The following AKT3 variants were observed in gnomAD, a reference collection of about 807,000 sequenced individuals.
AKT3 encodes the protein RAC-gamma serine/threonine-protein kinase.
In AKT3, 15 loss-of-function variants were observed where a neutral mutation model predicts 65.3. That is an observed-to-expected ratio of 0.23 (90% CI 0.15 to 0.35). AKT3 has a LOEUF of 0.35. Among genes scored for constraint, AKT3 ranks in the 10% least tolerant of loss-of-function variants. The probability of loss-of-function intolerance (pLI) is 1.00; values close to 1 mark genes in which losing one functional copy is unlikely to be tolerated. For synonymous variants in AKT3, 206 were observed against 183.8 expected (o/e 1.12, Z -0.98); for missense variants, 243 against 576.5 (o/e 0.42, Z 5.92).
chr1:243,521,887 T>C (rs1323330491), intron 12 of AKT3, among the ~76,000 whole-genome samples: 1 of 152,224 alleles, frequency 6.6e-6, no homozygotes, highest in Non-Finnish European at 1.5e-5. Flanking sequence ...CTGTGATAAA[T>C]TTTCTCATTC....
At chr1:243,829,985 G>A (rs930468977) in intron 2 of AKT3, among the ~76,000 whole-genome samples, 14 of 152,112 alleles carry the variant, frequency 9.2e-5, no homozygotes, top group African/African-American at 3.4e-4. Flanking sequence ...TGGGCACTAC[G>A]CTGTAAGAGA....
At chr1:243,536,676 G>C (rs1574561319) in intron 12 of AKT3, among the ~76,000 whole-genome samples, 1 of 152,028 alleles carries the variant, frequency 6.6e-6, no homozygotes, top group Non-Finnish European at 1.5e-5. Context: ...CAATTTGAAG[G>C]CTTTTAAAGC....
At chr1:243,521,311 T>C (rs1481946606) in intron 12 of AKT3, among the ~76,000 whole-genome samples, 1 of 152,234 alleles carries the variant, frequency 6.6e-6, no homozygotes, top group Non-Finnish European at 1.5e-5. Context: ...CCAGAGACAG[T>C]AATCTGGTGC....
chr1:243,661,863 AAAAC>A (rs1682370703), intron 4 of AKT3, among the ~76,000 whole-genome samples: 1 of 150,164 alleles, frequency 6.7e-6, no homozygotes, highest in East Asian at 1.9e-4. Flanking sequence ...TTACAAGAAA[AAAAC>A]AAACAACCCC....
At chr1:243,631,118 T>C (rs1456871189) in intron 6 of AKT3, among the ~76,000 whole-genome samples, 3 of 152,194 alleles carry the variant, frequency 2.0e-5, no homozygotes, top group African/African-American at 4.8e-5. Flanking sequence ...TGTAGTCTAT[T>C]AAGTGTGTAA....
chr1:243,797,005 A>G (rs1338366409), intron 2 of AKT3, among the ~76,000 whole-genome samples: 1 of 152,160 alleles, frequency 6.6e-6, no homozygotes, highest in Non-Finnish European at 1.5e-5. Flanking sequence ...TAATGGCTGC[A>G]GAGTTTCAGT....
Position 243,537,825 on chromosome 1 carries a change from A to C in AKT3, c.1251+7685T>G, listed in dbSNP as rs542312384. Among the ~76,000 whole-genome samples the C allele has an allele frequency of 2.0e-5, 3 of 152,310 alleles. No individual in the cohort carries two copies. In the East Asian group the frequency reaches 5.8e-4, roughly 29 times the overall value. On this transcript the variant is annotated intron_variant, in intron 12 of 13. Transcript: ENST00000673466. ...CAGATTCCCAGTTCCTCCAGTCAGC[A>C]TATCTTCATTCACTTCTCTTGTTAC... is the stretch of plus-strand genomic sequence containing the variant.
chr1:243,736,844 T>C (rs558609828), intron 2 of AKT3, among the ~76,000 whole-genome samples: 2 of 152,304 alleles, frequency 1.3e-5, no homozygotes, highest in African/African-American at 4.8e-5. Context: ...ATTGCTATTT[T>C]CTTTCCACCT....
chr1:243,710,688 T>G (rs145905069), intron 2 of AKT3, among the ~76,000 whole-genome samples: 79 of 152,322 alleles, frequency 5.2e-4, no homozygotes, highest in African/African-American at 1.8e-3. Flanking sequence ...TGTATGGGAA[T>G]TAATCATACT....
intron 2 of AKT3, among the ~76,000 whole-genome samples, chr1:243,800,586 C>T (rs1215766426): frequency 2.0e-5 from 3 of 151,974 alleles, no homozygotes; most frequent in Non-Finnish European, 4.4e-5. Flanking sequence ...GGTGTGGTGG[C>T]GCACACCTGT....
Position 243,503,269 on chromosome 1 carries a change from C to T in AKT3, c.*1980G>A, listed in dbSNP as rs899206795. ...CCTTAGTAAAATGCCCTTTAACCCC[C>T]GTCAGTCCCAGTGGCCCACCCACTG... On this transcript the variant is annotated 3_prime_UTR_variant, in exon 14 of 14. Coordinates refer to ENST00000673466, the MANE Select transcript of AKT3 (RefSeq NM_005465.7). The T allele has an allele frequency of 4.5e-4, 106 of 233,680 alleles. No homozygotes were observed. The highest frequency in any genetic ancestry group is 5.0e-4 in the Non-Finnish European group (59 of 118,036). The allele number at this position is 233,680 out of a possible 1,614,324, so 14.5% of individuals were successfully genotyped here.
chr1:243,641,251 T>TGA (rs1317465100), intron 5 of AKT3, among the ~76,000 whole-genome samples: 3 of 75,476 alleles, frequency 4.0e-5, no homozygotes, highest in Non-Finnish European at 9.1e-5. Flanking sequence ...CATATATATG[T>TGA]GTGTGTGTAT....
chr1:243,620,782 T>C (rs1678690641), intron 6 of AKT3, among the ~76,000 whole-genome samples: 1 of 152,152 alleles, frequency 6.6e-6, no homozygotes, highest in South Asian at 2.1e-4. Flanking sequence ...GTATTGTGTT[T>C]GATACTTTGT....
At chr1:243,646,673 G>T (rs1311648080) in intron 4 of AKT3, among the ~76,000 whole-genome samples, 1 of 151,900 alleles carries the variant, frequency 6.6e-6, no homozygotes, top group African/African-American at 2.4e-5. Context: ...CTATTAAGTT[G>T]ACCCCCTAAA....
chr1:243,750,771 G>A (rs1256963961), intron 2 of AKT3, among the ~76,000 whole-genome samples: 5 of 151,882 alleles, frequency 3.3e-5, no homozygotes, highest in Admixed American at 1.3e-4. Flanking sequence ...TAGTAGAGAC[G>A]GAGTTTCACT....
At chr1:243,745,286 G>GT (rs1356836678) in intron 2 of AKT3, among the ~76,000 whole-genome samples, 2 of 152,136 alleles carry the variant, frequency 1.3e-5, no homozygotes, top group African/African-American at 2.4e-5. Flanking sequence ...GTTGCAGTGA[G>GT]CTATGATCAT....
At position 243,768,600 on chromosome 1, in the gene AKT3, G is replaced by T. The variant is rs1433201839; in HGVS notation, c.47-72884C>A. On this transcript the variant is annotated intron_variant, in intron 2 of 13. Transcript: ENST00000673466. ...CGCCTGTAATCCCAGCACTTTGGGA[G>T]GCAGAGGTGGGCAGATCACAGGTCA... Among the ~76,000 whole-genome samples the T allele has an allele frequency of 2.6e-5, 4 of 152,146 alleles. No homozygotes were observed. The East Asian group carries it at 7.7e-4, about 29-fold the overall frequency.
At chr1:243,490,657 G>C (rs1396461029) in intron 13 of AKT3, among the ~76,000 whole-genome samples, 1 of 152,244 alleles carries the variant, frequency 6.6e-6, no homozygotes, top group Non-Finnish European at 1.5e-5. Context: ...GAGTGCAGGC[G>C]GGATGCCCCA....
intron 8 of AKT3, among the ~76,000 whole-genome samples, chr1:243,574,256 C>T (rs1171811906): frequency 6.6e-6 from 1 of 151,588 alleles, no homozygotes; most frequent in East Asian, 1.9e-4. Flanking sequence ...CCATTCCCAC[C>T]CCCACCTTCA....
Sources: gnomAD v4.1 joint callset for allele counts (sites outside exome capture counted in the v4.1 genomes callset) on GRCh38, gnomAD v4.1.1 for gene constraint, MANE v1.5 for transcripts, NCBI Gene and HGNC (gene_info 2026-07-23, HGNC 2026-07-21) for gene names.